Variants in GRM8 observed in about 807,000 individuals in gnomAD.
The protein encoded by GRM8 is metabotropic glutamate receptor 8.
Under a neutral mutation model 87.2 loss-of-function variants are expected in GRM8, and 47 were observed. That is an observed-to-expected ratio of 0.54 (90% CI 0.43 to 0.69). The LOEUF is 0.69. GRM8 is among the 30% of genes least tolerant of loss of function. The pLI is 0.00. For missense variants in GRM8, 1,019 were observed against 1,139.2 expected (o/e 0.89, Z 1.52); for synonymous variants, 396 against 404.5 (o/e 0.98, Z 0.25).
rs78532734 is a variant in GRM8 at position 126,755,191 on chromosome 7, G to A, written c.1357+14674C>T. 5.4e-3 allele frequency among the ~76,000 whole-genome samples: 821 copies of A among 152,056 alleles called. 6 individuals carry two copies. Among genetic ancestry groups the A allele is most frequent in the African/African-American group, 0.019 (788 of 41,550 alleles). The stretch of plus-strand genomic sequence containing the variant: ...GTGCCTATGCACATAGACTGTTTAA[G>A]ATGAAAAGAAAAACTTTCTCATTTA... On this transcript the variant is annotated intron_variant, in intron 7 of 10. Coordinates refer to ENST00000339582, the MANE Select transcript of GRM8 (RefSeq NM_000845.3).
At chr7:127,117,736 A>T (rs1826784847) in intron 2 of GRM8, among the ~76,000 whole-genome samples, 1 of 152,202 alleles carries the variant, frequency 6.6e-6, no homozygotes, top group Admixed American at 6.5e-5. Flanking sequence ...GCTGACTTCA[A>T]ACTATCACCT....
chr7:126,863,469 G>C (rs994163388), intron 6 of GRM8, among the ~76,000 whole-genome samples: 13 of 152,042 alleles, frequency 8.6e-5, no homozygotes, highest in Non-Finnish European at 1.3e-4. Flanking sequence ...AGTAATTTAC[G>C]AATGAAGCAT....
chr7:126,684,987 G>A (rs1808005259), intron 7 of GRM8, among the ~76,000 whole-genome samples: 1 of 152,174 alleles, frequency 6.6e-6, no homozygotes, highest in Non-Finnish European at 1.5e-5. Context: ...CAGCAAGGAG[G>A]CACAAGTGGT....
intron 2 of GRM8, among the ~76,000 whole-genome samples, chr7:127,217,365 G>A (rs941428197): frequency 1.3e-5 from 2 of 152,120 alleles, no homozygotes; most frequent in Non-Finnish European, 2.9e-5. Context: ...AAGAAAAGCT[G>A]GAAGTTACTG....
chr7:126,945,443 T>C (rs962411799), intron 3 of GRM8, among the ~76,000 whole-genome samples: 1 of 152,202 alleles, frequency 6.6e-6, no homozygotes, highest in African/African-American at 2.4e-5. Flanking sequence ...TCAAAACTTT[T>C]TGATTGCCAT....
chr7:127,061,645 G>C (rs1016208038), intron 3 of GRM8, among the ~76,000 whole-genome samples: 1 of 152,000 alleles, frequency 6.6e-6, no homozygotes, highest in African/African-American at 2.4e-5. Context: ...GGAAGCTCAA[G>C]TTCTACTGTG....
At chr7:127,212,708 C>T (rs901260468) in intron 2 of GRM8, among the ~76,000 whole-genome samples, 7 of 152,200 alleles carry the variant, frequency 4.6e-5, no homozygotes, top group Non-Finnish European at 1.0e-4. Flanking sequence ...TGAGCCACCG[C>T]GCCCGGCCGA....
intron 6 of GRM8, among the ~76,000 whole-genome samples, chr7:126,817,245 G>T (rs1793878923): frequency 6.6e-6 from 1 of 151,934 alleles, no homozygotes; most frequent in Admixed American, 6.6e-5. Flanking sequence ...ACTGAATTTT[G>T]TCTCCATTAA....
chr7:126,825,793 A>G (rs954663948), intron 6 of GRM8, among the ~76,000 whole-genome samples: 1 of 152,022 alleles, frequency 6.6e-6, no homozygotes, highest in Admixed American at 6.6e-5. Flanking sequence ...ATATGTATAC[A>G]TGTGCCATGC....
At chr7:126,855,302 C>T (rs1249218525) in intron 6 of GRM8, among the ~76,000 whole-genome samples, 1 of 151,980 alleles carries the variant, frequency 6.6e-6, no homozygotes, top group Non-Finnish European at 1.5e-5. Flanking sequence ...ATTGTGCTAG[C>T]TAACTTGCAT....
At chr7:127,102,362 A>G (rs1825367636) in intron 3 of GRM8, among the ~76,000 whole-genome samples, 1 of 152,258 alleles carries the variant, frequency 6.6e-6, no homozygotes, top group South Asian at 2.1e-4. Context: ...AAAAAGAGCC[A>G]AGTCCTAATA....
intron 2 of GRM8, chr7:127,228,267 T>C (rs1240460554): frequency 1.3e-5 from 2 of 152,188 alleles, no homozygotes; most frequent in East Asian, 1.9e-4. Flanking sequence ...TCTGACAGAA[T>C]TGTTGTAAGG....
intron 2 of GRM8, among the ~76,000 whole-genome samples, chr7:127,152,285 G>A (rs1792434352): frequency 6.6e-6 from 1 of 152,044 alleles, no homozygotes; most frequent in Non-Finnish European, 1.5e-5. Flanking sequence ...GCTGGTCTAA[G>A]GGTATATAGC....
At chr7:126,542,643 A>C (rs148487392) in intron 8 of GRM8, among the ~76,000 whole-genome samples, 35 of 152,364 alleles carry the variant, frequency 2.3e-4, no homozygotes, top group African/African-American at 7.9e-4. Flanking sequence ...GTGTGTATCA[A>C]TACAAGACAG....
At chr7:126,918,861 A>G (rs1804201385) in intron 3 of GRM8, among the ~76,000 whole-genome samples, 1 of 152,188 alleles carries the variant, frequency 6.6e-6, no homozygotes, top group African/African-American at 2.4e-5. Flanking sequence ...TAAGCTTTCA[A>G]CAATCCCAAC....
intron 9 of GRM8, among the ~76,000 whole-genome samples, chr7:126,528,618 G>A (rs1487979741): frequency 3.7e-5 from 1 of 26,676 alleles, no homozygotes; most frequent in South Asian, 9.9e-4. Flanking sequence ...AAGAAGTTGT[G>A]TGTGTGTGTG....
At chr7:126,674,935 T>C in intron 7 of GRM8, among the ~76,000 whole-genome samples, 1 of 152,234 alleles carries the variant, frequency 6.6e-6, no homozygotes, top group East Asian at 1.9e-4. Context: ...GATCCCTTCA[T>C]TCTTCAAGGG....
At position 127,111,529 on chromosome 7, in the gene GRM8, G is replaced by A. The variant is rs147524362; in HGVS notation, c.511-4817C>T. ...TTTTTCATGATCCTCCCTCTTTCTT[G>A]CTGGCTAGAATTTGGACATAATGCC... On this transcript the variant is annotated intron_variant, in intron 2 of 10. Transcript: ENST00000339582. Among the ~76,000 whole-genome samples the A allele has an allele frequency of 5.8e-4, 88 of 152,080 alleles. No homozygotes were observed. The East Asian group carries it at 0.017, about 29-fold the overall frequency.
chr7:127,086,401 A>C (rs567347532), intron 3 of GRM8, among the ~76,000 whole-genome samples: 2 of 152,308 alleles, frequency 1.3e-5, no homozygotes, highest in African/African-American at 2.4e-5. Context: ...CGCCTGGCCC[A>C]GTATTTTTTT....
Sources: allele counts gnomAD v4.1 joint callset (sites outside exome capture counted in the v4.1 genomes callset), GRCh38; gene constraint gnomAD v4.1.1; transcripts MANE v1.5; gene names NCBI Gene and HGNC (gene_info 2026-07-23, HGNC 2026-07-21).